Variants in TEP1 observed in about 807,000 individuals in gnomAD.
TEP1 encodes the protein telomerase protein component 1.
A neutral mutation model predicts 306.3 loss-of-function variants in TEP1; 241 were observed. The observed-to-expected ratio is 0.79, with a 90% CI of 0.71 to 0.88. The LOEUF is 0.88. TEP1 is among the 40% of genes least tolerant of loss of function. The pLI is 0.00. For missense variants in TEP1, 3,051 were observed against 3,276.1 expected (o/e 0.93, Z 1.68); for synonymous variants, 1,289 against 1,305.5 (o/e 0.99, Z 0.27).
At chr14:20,374,762 C>T (rs1031517672) in intron 43 of TEP1, among the ~76,000 whole-genome samples, 5 of 152,086 alleles carry the variant, frequency 3.3e-5, no homozygotes, top group African/African-American at 1.2e-4. Flanking sequence ...ATGTACCTAT[C>T]TGATATGGTG....
At position 20,384,657 on chromosome 14, in the gene TEP1, C is replaced by A; in HGVS notation, c.3164G>T (p.Arg1055Leu). The A allele has an allele frequency of 6.2e-7, 1 of 1,613,924 alleles. No homozygotes were observed. Among genetic ancestry groups the A allele is most frequent in the Non-Finnish European group, 8.5e-7 (1 of 1,180,040 alleles). Residue 1055 changes from arginine to leucine, a missense_variant, in exon 22 of 55, where the codon CGT (arginine) becomes CTT (leucine). Coordinates refer to ENST00000262715, the MANE Select transcript of TEP1 (RefSeq NM_007110.5). Reference sequence around the variant, plus strand: ...GTAGCTCTTCAGTTCTGAGATCCGACGTGCGGCCTCTTCAGACTCAGAAAC... The same window carrying A: ...GTAGCTCTTCAGTTCTGAGATCCGAAGTGCGGCCTCTTCAGACTCAGAAAC... ...DFVSESEEAA[R>L]RISELKSYLS...
rs1039025205 is a variant in TEP1, at chr14:20,366,671, C to G, written c.*1766G>C. On this transcript the variant is annotated 3_prime_UTR_variant, in exon 55 of 55. Transcript: ENST00000262715. ...GTACAGTGAGAGTAAAACTCAGTGC[C>G]CTTTAACTCCCCAAGTCTTCAAAAC... The G allele has an allele frequency of 5.3e-5, 8 of 152,090 alleles. No homozygotes were observed. Among genetic ancestry groups the G allele is most frequent in the Admixed American group, 2.6e-4 (4 of 15,266 alleles). The allele number at this position is 152,090 out of a possible 1,614,324, so 9.4% of individuals were successfully genotyped here. A position where few individuals can be genotyped will look rare whatever the true frequency, so the allele number is the denominator to read the frequency against.
chr14:20,396,986 G>A (rs919922231), intron 9 of TEP1, among the ~76,000 whole-genome samples: 2 of 152,040 alleles, frequency 1.3e-5, no homozygotes, highest in African/African-American at 4.8e-5. Context: ...CAAGATAGAG[G>A]AAGTGAGGAA....
chr14:20,394,003 C>T (rs1877963147), intron 12 of TEP1, among the ~76,000 whole-genome samples: 1 of 151,954 alleles, frequency 6.6e-6, no homozygotes, highest in South Asian at 2.1e-4. Flanking sequence ...AGGAGAATCA[C>T]TTGAGCCTGA....
At position 20,385,993 on chromosome 14, in the gene TEP1, T is replaced by G. The variant is rs10130536; in HGVS notation, c.2982+82A>C. ...ACCTGCCTGTTCATAGTTGCAGGGT[T>G]TCTGACAGAGTGTGGCTTCTCCCAG... On this transcript the variant is annotated intron_variant, in intron 20 of 54. Transcript: ENST00000262715. 3,663 of 1,501,364 alleles carry G rather than the reference T, an allele frequency of 2.4e-3. 82 individuals carry two copies. The African/African-American group carries it at 0.046, about 19-fold the overall frequency. 93.0% of individuals were successfully genotyped at this position (1,501,364 alleles called of 1,614,324 possible).
At chr14:20,380,772 G>A (rs1471686868) in intron 33 of TEP1, among the ~76,000 whole-genome samples, 159 bp downstream of exon 33, 1 of 152,244 alleles carries the variant, frequency 6.6e-6, no homozygotes, top group Non-Finnish European at 1.5e-5. Flanking sequence ...TCTCCTGAGA[G>A]TCACGTGCTC....
At chr14:20,395,824 G>C (rs765524432) in intron 11 of TEP1, 35 bp downstream of exon 11, 3 of 1,591,910 alleles carry the variant, frequency 1.9e-6, no homozygotes, top group Non-Finnish European at 2.6e-6. Flanking sequence ...TCAGATGTGG[G>C]AGGCAAAGAG....
rs141077549 is a variant in TEP1 at position 20,379,254 on chromosome 14, G to A, written c.5128-149C>T. On this transcript the variant is annotated intron_variant, in intron 35 of 54. Transcript: ENST00000262715. ...TTCCAAGTCAAGCACACGTTCAAGT[G>A]GGGGCCTCGTGATCCAAGTGGGGCC... The A allele has an allele frequency of 2.8e-6, 3 of 1,068,788 alleles. No individual in the cohort carries two copies. In the African/African-American group the frequency reaches 4.8e-5, roughly 17 times the overall value. 66.2% of individuals were successfully genotyped at this position (1,068,788 alleles called of 1,614,324 possible). A position where few individuals can be genotyped will look rare whatever the true frequency, so the allele number is the denominator to read the frequency against.
rs1458488986 is a variant in TEP1 at position 20,400,314 on chromosome 14, A to G, written c.1549+670T>C. The stretch of plus-strand genomic sequence containing the variant: ...TGTGGGTGCGTGTGTGTGTGTGTGC[A>G]GTGGCTCATGCCTATAATTCCAGCA... On this transcript the variant is annotated intron_variant, in intron 9 of 54. Transcript: ENST00000262715. Among the ~76,000 whole-genome samples, 3 of 148,126 alleles carry G rather than the reference A, an allele frequency of 2.0e-5. No individual in the cohort carries two copies. In the East Asian group the frequency reaches 6.1e-4, roughly 30 times the overall value.
rs970835929 is a variant in TEP1 at position 20,365,923 on chromosome 14, T to C, written c.*2514A>G. 2.6e-5 allele frequency: 4 copies of C among 152,240 alleles called. No individual in the cohort carries two copies. The highest frequency in any genetic ancestry group is 6.5e-5 in the Admixed American group (1 of 15,284). The allele number at this position is 152,240 out of a possible 1,614,324, so 9.4% of individuals were successfully genotyped here. ...TGGGTAGAAGAAAAGATTGTTCAAA[T>C]GTCCTATGGTCTCACAATCCAGTGG... On this transcript the variant is annotated 3_prime_UTR_variant, in exon 55 of 55. Transcript: ENST00000262715.
At chr14:20,386,278 C>T in intron 19 of TEP1, 83 bp from the exon 20 acceptor site, 1 of 1,602,756 alleles carries the variant, frequency 6.2e-7, no homozygotes, top group South Asian at 1.1e-5. Flanking sequence ...GAGACGGGGC[C>T]CTGACTCGCA....
At position 20,378,747 on chromosome 14, in the gene TEP1, G is replaced by A. The variant is rs1459597605; in HGVS notation, c.5352+7C>T. 2 of 1,613,788 alleles carry A rather than the reference G, an allele frequency of 1.2e-6. No individual in the cohort carries two copies. The highest frequency in any genetic ancestry group is 1.7e-6 in the Non-Finnish European group (2 of 1,179,828). Reference sequence around the variant, plus strand: ...CCACTCTGACCACTGCAGACCCCAAGTCTTACCTTTAGGCATCCTCCCAAG... The same window carrying A: ...CCACTCTGACCACTGCAGACCCCAAATCTTACCTTTAGGCATCCTCCCAAG... On this transcript the variant is annotated splice_region_variant and intron_variant, in intron 37 of 54. Coordinates refer to ENST00000262715, the MANE Select transcript of TEP1 (RefSeq NM_007110.5).
intron 27 of TEP1, 112 bp downstream of exon 27, chr14:20,383,062 G>T: frequency 8.0e-7 from 1 of 1,243,006 alleles, no homozygotes; most frequent in Non-Finnish European, 1.1e-6. Flanking sequence ...CAGAATTTCT[G>T]AGAAAACAAA....
In TEP1 at chr14:20,401,142, C is replaced by G. The variant is rs1878698419; in HGVS notation, c.1392-1G>C. 2 of 1,613,808 alleles carry G rather than the reference C, an allele frequency of 1.2e-6. No individual in the cohort carries two copies. Among genetic ancestry groups the G allele is most frequent in the African/African-American group, 2.7e-5 (2 of 74,984 alleles). ...AAAGAGCTGTAGGTTGGAGGGGTAT[C>G]TGAGGATAGGTAAGAAAGAGGTCTA... is the stretch of plus-strand genomic sequence containing the variant. On this transcript the variant is annotated splice_acceptor_variant, in intron 8 of 54. Coordinates refer to ENST00000262715, the MANE Select transcript of TEP1 (RefSeq NM_007110.5). LOFTEE classifies it high-confidence loss of function.
At position 20,391,651 on chromosome 14, in the gene TEP1, TAGACCA is replaced by T; in HGVS notation, c.2039_2044del (p.Leu680_Val681del). The T allele has an allele frequency of 6.2e-7, 1 of 1,614,118 alleles. No homozygotes were observed. The highest frequency in any genetic ancestry group is 8.5e-7 in the Non-Finnish European group (1 of 1,179,992). On this transcript the variant is annotated inframe_deletion, in exon 13 of 55. Transcript: ENST00000262715. ...CCTGTCTGCATTAGCATCTGTCAGATAGACCAAGACAGTGCGGCCTGGCAGCAGGGG... is the reference window on the plus strand; with the variant it reads ...CCTGTCTGCATTAGCATCTGTCAGATAGACAGTGCGGCCTGGCAGCAGGGG...
chr14:20,382,656 G>A lies in TEP1; in HGVS notation c.4107C>T (p.Thr1369=), dbSNP rs201959748. ...ACAGCGTGAAGAGCCTCAGGTGATC[G>A]GTGACCAAGCGCAGGTAGAGCGGCC... The part of the protein sequence containing the change: ...SGRPLYLRLV[T]DHLRLFTLYE... Residue 1369 remains threonine, a synonymous_variant, in exon 28 of 55, where the codon ACC becomes ACT. Coordinates refer to ENST00000262715, the MANE Select transcript of TEP1 (RefSeq NM_007110.5). 2.0e-5 allele frequency: 32 copies of A among 1,613,934 alleles called. No individual in the cohort carries two copies. Among genetic ancestry groups the A allele is most frequent in the Admixed American group, 1.2e-4 (7 of 59,984 alleles).
At chr14:20,412,669 C>T (rs1430790471) in intron 1 of TEP1, among the ~76,000 whole-genome samples, 7 of 150,470 alleles carry the variant, frequency 4.7e-5, no homozygotes, top group Non-Finnish European at 1.0e-4. Context: ...TAATACCCAC[C>T]TCACTCTTTC....
chr14:20,412,503 C>A (rs954444334), intron 1 of TEP1, among the ~76,000 whole-genome samples: 2 of 152,128 alleles, frequency 1.3e-5, no homozygotes, highest in Non-Finnish European at 2.9e-5. Context: ...ACATTGCTCA[C>A]AGTTTTATAC....
At chr14:20,411,730 A>G (rs541139530) in intron 1 of TEP1, among the ~76,000 whole-genome samples, 21 of 152,244 alleles carry the variant, frequency 1.4e-4, no homozygotes, top group African/African-American at 5.1e-4. Flanking sequence ...CAGAGTGTCT[A>G]TGAAGCCCAT....
Sources: allele counts gnomAD v4.1 joint callset (sites outside exome capture counted in the v4.1 genomes callset), GRCh38; gene constraint gnomAD v4.1.1; transcripts MANE v1.5; gene names NCBI Gene and HGNC (gene_info 2026-07-23, HGNC 2026-07-21).